The following FAM149A variants were observed in gnomAD, a reference collection of about 807,000 sequenced individuals.
FAM149A encodes the protein protein FAM149A.
In FAM149A, 71 loss-of-function variants were observed where a neutral mutation model predicts 78.2. The ratio of observed to expected loss-of-function variants is 0.91; its 90% CI spans 0.75 to 1.11. The LOEUF (loss-of-function observed/expected upper bound fraction) is 1.11. Ranked by LOEUF, FAM149A falls within the 50% of genes least tolerant of loss-of-function variation. FAM149A has a pLI of 0.00. For missense variants in FAM149A, 1,036 were observed against 971.0 expected, an observed-to-expected ratio of 1.07 and a Z score of -0.89; for synonymous variants, 446 against 410.5, an observed-to-expected ratio of 1.09 and a Z score of -1.04.
Position 186,153,751 on chromosome 4 carries a change from C to CA in FAM149A, c.1040dup (p.His347GlnfsTer29), listed in dbSNP as rs754455025. The CA allele has an allele frequency of 6.2e-7, 1 of 1,610,332 alleles. No individual in the cohort carries two copies. Among genetic ancestry groups the CA allele is most frequent in the South Asian group, 1.1e-5 (1 of 90,944 alleles). On this transcript the variant is annotated frameshift_variant, in exon 5 of 14. Transcript: ENST00000389354. LOFTEE classifies it high-confidence loss of function. ...CAGACCCCCGCTCAGTGCCTGCGGACACAGCAGCAACATCAGAGAGTATGT... is the reference window on the plus strand; with the variant it reads ...CAGACCCCCGCTCAGTGCCTGCGGACAACAGCAGCAACATCAGAGAGTATGT...
chr4:186,130,314 T>TATATATATATATACATATAA (rs141900902), intron 1 of FAM149A, among the ~76,000 whole-genome samples: 1 of 116,456 alleles, frequency 8.6e-6, no homozygotes, highest in Non-Finnish European at 1.7e-5. Flanking sequence ...TATATATATA[T>TATATATATATATACATATAA]AATCTATATC....
At chr4:186,153,170 G>A (rs1176222599) in intron 4 of FAM149A, 17 of 735,764 alleles carry the variant, frequency 2.3e-5, no homozygotes, top group Non-Finnish European at 2.7e-5. Context: ...TGTCACTGCT[G>A]TCTTACATCA....
At position 186,163,480 on chromosome 4, in the gene FAM149A, C is replaced by G. The variant is rs201598032; in HGVS notation, c.1736C>G (p.Pro579Arg). The change falls in exon 10 of 14, where the codon CCG becomes CGG. Residue 579 changes from proline (P) to arginine (R), a missense_variant. By Grantham distance (103) the Pro-to-Arg change is moderately radical. Transcript: ENST00000389354. ...GGGGCAGGTGCTCTCTCCTCCGCACCGCACAGACTGGGACGGGCCTCAGAC... is the reference window on the plus strand; with the variant it reads ...GGGGCAGGTGCTCTCTCCTCCGCACGGCACAGACTGGGACGGGCCTCAGAC... 5 of 1,614,038 alleles carry G rather than the reference C, an allele frequency of 3.1e-6. No homozygotes were observed. In the Admixed American group the frequency reaches 8.3e-5, roughly 27 times the overall value.
At chr4:186,124,989 T>G (rs1309941105) in intron 1 of FAM149A, among the ~76,000 whole-genome samples, 3 of 152,228 alleles carry the variant, frequency 2.0e-5, no homozygotes, top group East Asian at 1.9e-4. Flanking sequence ...CGTTGTGGTT[T>G]TGATTTGCAT....
chr4:186,151,194 G>A (rs1199218886), intron 3 of FAM149A, among the ~76,000 whole-genome samples: 1 of 152,142 alleles, frequency 6.6e-6, no homozygotes, highest in African/African-American at 2.4e-5. Flanking sequence ...AGGGGCAGCT[G>A]CCTCCTTCCT....
chr4:186,165,494 A>G (rs1230580627), intron 11 of FAM149A, 30 bp downstream of exon 11: 1 of 1,612,512 alleles, frequency 6.2e-7, no homozygotes, highest in Non-Finnish European at 8.5e-7. Context: ...ATTTCAGTGG[A>G]CCATTTAGGT....
chr4:186,125,820 C>G, intron 1 of FAM149A: 8 of 985,066 alleles, frequency 8.1e-6, no homozygotes, highest in Non-Finnish European at 9.6e-6. Context: ...GAAGGGAGGC[C>G]AAAAAGAAAT....
chr4:186,169,279 A>G, intron 13 of FAM149A: 1 of 985,448 alleles, frequency 1.0e-6, no homozygotes, highest in Non-Finnish European at 1.2e-6. Flanking sequence ...ACAACTTACA[A>G]AACACAAAAA....
intron 1 of FAM149A, among the ~76,000 whole-genome samples, chr4:186,147,903 C>T (rs751283636): frequency 3.3e-5 from 5 of 152,092 alleles, no homozygotes; most frequent in African/African-American, 9.6e-5. Flanking sequence ...CCTGGTTGTC[C>T]GTAAGATACC....
chr4:186,117,945 A>T (rs1183681932), intron 1 of FAM149A: 1 of 985,146 alleles, frequency 1.0e-6, no homozygotes, highest in Non-Finnish European at 1.2e-6. Flanking sequence ...GGTGGCTGGG[A>T]GGAGAGTGCC....
At position 186,146,912 on chromosome 4, in the gene FAM149A, C is replaced by G. The variant is rs78819830; in HGVS notation, c.567-2261C>G. On this transcript the variant is annotated intron_variant, in intron 1 of 13. Transcript: ENST00000389354. ...GTCTTCGCCGTTTGAGTCTTTCAAC[C>G]GAGGGCATCTTTTGTGTGACGAGTG... 4 of 985,350 alleles carry G rather than the reference C, an allele frequency of 4.1e-6. No homozygotes were observed. In the East Asian group the frequency reaches 4.5e-4, roughly 112 times the overall value. 61.0% of individuals were successfully genotyped at this position (985,350 alleles called of 1,614,324 possible).
At chr4:186,109,876 C>T in intron 1 of FAM149A, 1 of 985,344 alleles carries the variant, frequency 1.0e-6, no homozygotes, top group African/African-American at 1.7e-5. Context: ...ATTACCTTCC[C>T]TGCATGACTT....
At chr4:186,150,401 C>CTT (rs1386764143) in intron 3 of FAM149A, among the ~76,000 whole-genome samples, 1 of 141,558 alleles carries the variant, frequency 7.1e-6, no homozygotes, top group Non-Finnish European at 1.5e-5. Context: ...TGCTTTCTCT[C>CTT]TCTCTCTGTC....
In FAM149A at chr4:186,167,019, A is replaced by G; in HGVS notation, c.2062A>G (p.Thr688Ala). The G allele has an allele frequency of 1.9e-6, 3 of 1,614,168 alleles. No homozygotes were observed. The highest frequency in any genetic ancestry group is 2.5e-6 in the Non-Finnish European group (3 of 1,179,998). ...TGTGTTGAGTGCCATGCCTGACGGTACAGAACGATCGCGTCTTCGAGAAAG... is the reference window on the plus strand; with the variant it reads ...TGTGTTGAGTGCCATGCCTGACGGTGCAGAACGATCGCGTCTTCGAGAAAG... The change falls in exon 12 of 14, where the codon ACA (threonine) becomes GCA (alanine). Residue 688 changes from threonine (T) to alanine (A), a missense_variant. Physicochemically the swap from Thr to Ala is moderately conservative, Grantham distance 58. Coordinates refer to ENST00000389354, the MANE Select transcript of FAM149A (RefSeq NM_001367768.3).
chr4:186,125,701 G>A (rs1388296277), intron 1 of FAM149A: 9 of 984,448 alleles, frequency 9.1e-6, no homozygotes, highest in Non-Finnish European at 9.6e-6. Context: ...TAAATGTTGG[G>A]GAATTAACAC....
chr4:186,105,517 T>C lies in FAM149A; in HGVS notation c.441T>C (p.Pro147=). Residue 147 remains proline (P), a synonymous_variant, in exon 1 of 14, where the codon CCT becomes CCC. Coordinates refer to ENST00000389354, the MANE Select transcript of FAM149A (RefSeq NM_001367768.3). ...CGCTCCCCAGGAACCCGCTCCAGCC[T>C]GGCCCCGGAGAGCGAGAGCTCGGCG... 3 of 1,161,258 alleles carry C rather than the reference T, an allele frequency of 2.6e-6. No homozygotes were observed. The highest frequency in any genetic ancestry group is 3.2e-6 in the Non-Finnish European group (3 of 934,818). The allele number at this position is 1,161,258 out of a possible 1,614,324, so 71.9% of individuals were successfully genotyped here.
intron 8 of FAM149A, among the ~76,000 whole-genome samples, chr4:186,159,319 G>A (rs772030251): frequency 1.3e-5 from 2 of 152,140 alleles, no homozygotes; most frequent in Non-Finnish European, 2.9e-5. Context: ...ATTACAGGAG[G>A]GGGATTGGTC....
rs1735567939 is a variant in FAM149A at position 186,171,894 on chromosome 4, C to G, written c.2219-20C>G. 6.3e-7 allele frequency: 1 copy of G among 1,596,974 alleles called. No homozygotes were observed. The highest frequency in any genetic ancestry group is 8.5e-7 in the Non-Finnish European group (1 of 1,172,336). On this transcript the variant is annotated intron_variant, in intron 13 of 13. Coordinates refer to ENST00000389354, the MANE Select transcript of FAM149A (RefSeq NM_001367768.3). The stretch of plus-strand genomic sequence containing the variant: ...TTTGTAACATTTTAATGAGAATTAC[C>G]TTTTGCTTGGTGTTTCCAGGTTCAC...
chr4:186,156,891 C>T (rs10021124), intron 7 of FAM149A, among the ~76,000 whole-genome samples: 86,976 of 151,620 alleles, frequency 0.57, 26,849 homozygotes, highest in Non-Finnish European at 0.71. Context: ...GGGAGGACCC[C>T]TTGAGCTCAG....
Sources: gnomAD v4.1 joint callset for allele counts (sites outside exome capture counted in the v4.1 genomes callset) on GRCh38, gnomAD v4.1.1 for gene constraint, MANE v1.5 for transcripts, NCBI Gene and HGNC (gene_info 2026-07-23, HGNC 2026-07-21) for gene names.